PDZD2: variants seen among roughly 807,000 people sequenced by gnomAD.
PDZD2 encodes the protein PDZ domain-containing protein 2.
A neutral mutation model predicts 220.7 loss-of-function variants in PDZD2; 90 were observed. The ratio of observed to expected loss-of-function variants is 0.41; its 90% CI spans 0.34 to 0.49. The LOEUF is 0.49. Ranked by LOEUF, PDZD2 falls within the 20% of genes least tolerant of loss-of-function variation. The pLI is 0.28. For synonymous variants in PDZD2, 1,375 were observed against 1,450.5 expected (o/e 0.95, Z 1.18); for missense variants, 3,174 against 3,608.5 (o/e 0.88, Z 3.08).
Position 32,088,404 on chromosome 5 carries a change from G to A in PDZD2, c.4956G>A (p.Leu1652=). ...GTCCCCGTGAGAAGGCCGCCTGCTT[G>A]CCAGGCTCATACACTTCAGGCCCAG... is the stretch of plus-strand genomic sequence containing the variant. The part of the protein sequence containing the change: ...VASPREKAAC[L]PGSYTSGPDS... Residue 1652 remains leucine, a synonymous_variant, in exon 20 of 25, where the codon TTG becomes TTA. Coordinates refer to ENST00000438447, the MANE Select transcript of PDZD2 (RefSeq NM_178140.4). The surrounding 1 kb of genome is among the most constrained non-coding windows in gnomAD (Gnocchi z 4.6). 2.5e-6 allele frequency: 4 copies of A among 1,613,890 alleles called. No homozygotes were observed. Among genetic ancestry groups the A allele is most frequent in the Non-Finnish European group, 3.4e-6 (4 of 1,179,896 alleles).
chr5:32,005,606 G>C (rs16901737), intron 5 of PDZD2, among the ~76,000 whole-genome samples: 6,968 of 151,900 alleles, frequency 0.046, 542 homozygotes, highest in African/African-American at 0.16. Context: ...TAACTGGAGT[G>C]TCCTTCCAGC....
At chr5:32,045,211 C>G (rs1009286397) in intron 7 of PDZD2, among the ~76,000 whole-genome samples, 1 of 152,164 alleles carries the variant, frequency 6.6e-6, no homozygotes, top group Admixed American at 6.5e-5. Flanking sequence ...TATTAAAGAG[C>G]TCCTGTAGAG....
intron 1 of PDZD2, among the ~76,000 whole-genome samples, chr5:31,680,025 C>T (rs1020507897): frequency 3.3e-5 from 5 of 152,204 alleles, no homozygotes; most frequent in Non-Finnish European, 7.3e-5. Flanking sequence ...AATGCATCTT[C>T]TAGAGCATTT....
chr5:32,060,932 G>C (rs1739624199), intron 13 of PDZD2, 70 bp from the exon 14 acceptor site: 1 of 1,481,672 alleles, frequency 6.7e-7, no homozygotes, highest in Non-Finnish European at 9.4e-7. Flanking sequence ...ACCTCTCCTA[G>C]CAAGAAGGCT....
At chr5:31,813,309 G>A (rs1028100910) in intron 2 of PDZD2, among the ~76,000 whole-genome samples, 2 of 152,042 alleles carry the variant, frequency 1.3e-5, no homozygotes, top group African/African-American at 2.4e-5. Context: ...AATTAGCCGG[G>A]CATGGTGGCA....
At chr5:31,953,236 A>G (rs1184759306) in intron 2 of PDZD2, among the ~76,000 whole-genome samples, 1 of 151,892 alleles carries the variant, frequency 6.6e-6, no homozygotes, top group Non-Finnish European at 1.5e-5. Flanking sequence ...AATTTTATAT[A>G]TGGAGAGGAA....
rs866603836 is a variant in PDZD2 at position 31,775,339 on chromosome 5, A to G, written c.-360-23550A>G. ...TGGCTGGAATAGAGATGTAATTGAA[A>G]AAAAAAAAAAGATTAATGTGATGCT... On this transcript the variant is annotated intron_variant, in intron 1 of 24. Coordinates refer to ENST00000438447, the MANE Select transcript of PDZD2 (RefSeq NM_178140.4). Among the ~76,000 whole-genome samples, 7 of 151,998 alleles carry G rather than the reference A, an allele frequency of 4.6e-5. No individual in the cohort carries two copies. In the South Asian group the frequency reaches 1.5e-3, roughly 32 times the overall value.
intron 2 of PDZD2, among the ~76,000 whole-genome samples, chr5:31,851,499 G>A (rs1758054572): frequency 6.6e-6 from 1 of 152,114 alleles, no homozygotes; most frequent in East Asian, 1.9e-4. Context: ...ATACCACTTT[G>A]AAATCAGCCA....
chr5:31,998,570 C>A (rs561243546), intron 4 of PDZD2, among the ~76,000 whole-genome samples: 127 of 152,232 alleles, frequency 8.3e-4, no homozygotes, highest in African/African-American at 2.9e-3. Context: ...AGCTTCTGGG[C>A]GTGTCGGAGG....
Position 31,939,214 on chromosome 5 carries a change from G to T in PDZD2, c.477-43941G>T, listed in dbSNP as rs372910611. Reference sequence around the variant, plus strand: ...GGGGTGGGTCCTTTAATCTACCATGGGAGCTGGGCAGCACTTTCGTATTTA... The same window carrying T: ...GGGGTGGGTCCTTTAATCTACCATGTGAGCTGGGCAGCACTTTCGTATTTA... On this transcript the variant is annotated intron_variant, in intron 2 of 24. Coordinates refer to ENST00000438447, the MANE Select transcript of PDZD2 (RefSeq NM_178140.4). 2.2e-4 allele frequency among the ~76,000 whole-genome samples: 34 copies of T among 152,256 alleles called. 1 individual carries two copies. The East Asian group carries it at 4.6e-3, about 21-fold the overall frequency.
At chr5:31,809,456 C>T (rs1754956053) in intron 2 of PDZD2, among the ~76,000 whole-genome samples, 4 of 152,144 alleles carry the variant, frequency 2.6e-5, no homozygotes, top group African/African-American at 9.7e-5. Flanking sequence ...GTGCCCCATT[C>T]GAGTCCCTTC....
chr5:31,840,363 C>A (rs1341726300), intron 2 of PDZD2: 2 of 142,866 alleles, frequency 1.4e-5, no homozygotes, highest in South Asian at 2.2e-4. Flanking sequence ...TATCTCCTAT[C>A]CCCCACACTC....
At chr5:32,025,212 A>G (rs1754539861) in intron 6 of PDZD2, among the ~76,000 whole-genome samples, 1 of 152,202 alleles carries the variant, frequency 6.6e-6, no homozygotes, top group South Asian at 2.1e-4. Context: ...GGAAGGCCAG[A>G]GAGTGCTGCC....
intron 2 of PDZD2, among the ~76,000 whole-genome samples, chr5:31,838,073 G>T (rs1262314356): frequency 3.3e-5 from 5 of 152,098 alleles, no homozygotes; most frequent in Non-Finnish European, 5.9e-5. Flanking sequence ...TATATCCTGT[G>T]TTTATACTTT....
intron 1 of PDZD2, among the ~76,000 whole-genome samples, chr5:31,791,458 C>T (rs1055991999): frequency 1.3e-5 from 2 of 151,944 alleles, no homozygotes; most frequent in South Asian, 2.1e-4. Flanking sequence ...AGTGTGGTGG[C>T]GCATGCCTGT....
At chr5:32,094,420 C>T (rs1743451536) in intron 21 of PDZD2, among the ~76,000 whole-genome samples, 1 of 152,126 alleles carries the variant, frequency 6.6e-6, no homozygotes, top group African/African-American at 2.4e-5. Flanking sequence ...ATACCTGGGT[C>T]ACTGAAGTCA....
At chr5:31,742,533 T>G (rs1357232582) in intron 1 of PDZD2, among the ~76,000 whole-genome samples, 1 of 22,494 alleles carries the variant, frequency 4.4e-5, no homozygotes. Context: ...CTCCCCCAAC[T>G]CCCCCCCTCC....
intron 1 of PDZD2, among the ~76,000 whole-genome samples, chr5:31,652,577 A>G (rs908668829): frequency 1.3e-5 from 2 of 152,244 alleles, no homozygotes; most frequent in African/African-American, 4.8e-5. Flanking sequence ...CACATGCCAC[A>G]TAGAGAAAAG....
chr5:31,987,720 C>T (rs1750826687), intron 3 of PDZD2, among the ~76,000 whole-genome samples: 1 of 152,190 alleles, frequency 6.6e-6, no homozygotes. Flanking sequence ...CTCCAGGTCT[C>T]CCCATCCCCA....
Sources: allele counts gnomAD v4.1 joint callset (sites outside exome capture counted in the v4.1 genomes callset), GRCh38; gene constraint gnomAD v4.1.1; non-coding constraint Gnocchi (gnomAD v3.1); transcripts MANE v1.5; gene names NCBI Gene and HGNC (gene_info 2026-07-23, HGNC 2026-07-21).